MLLT10: variants seen among roughly 807,000 people sequenced by gnomAD.
MLLT10 encodes the protein protein AF-10.
MLLT10 carries 30 observed loss-of-function variants against 129.1 expected under a neutral mutation model. The ratio of observed to expected loss-of-function variants is 0.23; its 90% CI spans 0.17 to 0.32. MLLT10 has a LOEUF of 0.32. Among genes scored for constraint, MLLT10 ranks in the 10% least tolerant of loss-of-function variants. The pLI, the probability that MLLT10 is intolerant of heterozygous loss-of-function variation, is 1.00. For synonymous variants in MLLT10, 490 were observed against 446.4 expected (o/e 1.10, Z -1.23); for missense variants, 1,119 against 1,268.3 (o/e 0.88, Z 1.79).
intron 8 of MLLT10, among the ~76,000 whole-genome samples, chr10:21,628,930 G>T (rs1339947466): frequency 6.6e-6 from 1 of 151,478 alleles, no homozygotes; most frequent in Non-Finnish European, 1.5e-5. Flanking sequence ...TGTATTTTTA[G>T]TGGAGACGGG....
intron 8 of MLLT10, among the ~76,000 whole-genome samples, chr10:21,640,030 A>G (rs751818511): frequency 1.3e-5 from 2 of 151,800 alleles, no homozygotes; most frequent in Non-Finnish European, 2.9e-5. Context: ...CTGAAGCTGC[A>G]TCAGGAACCA....
chr10:21,586,462 T>C (rs2041995734), intron 4 of MLLT10, 114 bp downstream of exon 4: 3 of 827,780 alleles, frequency 3.6e-6, no homozygotes, highest in Non-Finnish European at 5.8e-6. Flanking sequence ...TTTCTACTCA[T>C]TTTTAACAGT....
intron 10 of MLLT10, 75 bp downstream of exon 10, chr10:21,670,779 T>C: frequency 1.3e-6 from 2 of 1,486,012 alleles, no homozygotes; most frequent in Non-Finnish European, 1.8e-6. Context: ...AAATAATTGG[T>C]TTGTTTTTGA....
intron 3 of MLLT10, 56 bp downstream of exon 3, chr10:21,538,968 A>G (rs17822302): frequency 0.011 from 13,548 of 1,248,724 alleles, 114 homozygotes; most frequent in South Asian, 0.018. Flanking sequence ...GGAAATTAGG[A>G]ACTGCACTCC....
intron 6 of MLLT10, 29 bp from the exon 7 acceptor site, chr10:21,614,802 C>T (rs2045065690): frequency 1.3e-6 from 2 of 1,555,376 alleles, no homozygotes; most frequent in Admixed American, 1.8e-5. Flanking sequence ...TTTAGTATAT[C>T]AATAAATATA....
At chr10:21,693,010 C>T (rs945905250) in intron 13 of MLLT10, among the ~76,000 whole-genome samples, 2 of 151,156 alleles carry the variant, frequency 1.3e-5, no homozygotes, top group Admixed American at 6.6e-5. Context: ...TTTAAAGAAA[C>T]AGAAAAAAAA....
rs568833838 is a variant in MLLT10 at position 21,724,971 on chromosome 10, T to C, written c.1879-1273T>C. Among the ~76,000 whole-genome samples, 12 of 152,314 alleles carry C rather than the reference T, an allele frequency of 7.9e-5. No homozygotes were observed. In the East Asian group the frequency reaches 2.3e-3, roughly 29 times the overall value. On this transcript the variant is annotated intron_variant, in intron 14 of 22. Transcript: ENST00000307729. ...GCTTGCTGCCAAAAAGACAGTGCCT[T>C]ATATGGGGTCAGGGCAAAGCTGTGA...
intron 9 of MLLT10, among the ~76,000 whole-genome samples, chr10:21,665,144 C>T (rs946107825): frequency 1.3e-5 from 2 of 151,810 alleles, no homozygotes; most frequent in Non-Finnish European, 2.9e-5. Context: ...CGGGGTTTCA[C>T]CATGTTGGCC....
intron 8 of MLLT10, 71 bp from the exon 9 acceptor site, chr10:21,651,601 TA>T: frequency 3.1e-6 from 3 of 974,286 alleles, no homozygotes; most frequent in Non-Finnish European, 4.7e-6. Context: ...TTACTAGTTA[TA>T]AAAAAATCTC....
chr10:21,670,428 C>T lies in MLLT10; in HGVS notation c.796-21C>T, dbSNP rs1294053267. Reference sequence around the variant, plus strand: ...AATGTAATCAACTCTTTTTCCTTCCCTTTTTGAATCAAAATGTTAGACTTA... The same window carrying T: ...AATGTAATCAACTCTTTTTCCTTCCTTTTTTGAATCAAAATGTTAGACTTA... On this transcript the variant is annotated intron_variant, in intron 9 of 22. Coordinates refer to ENST00000307729, the MANE Select transcript of MLLT10 (RefSeq NM_001195626.3). 5.1e-6 allele frequency: 8 copies of T among 1,577,350 alleles called. No individual in the cohort carries two copies. The Admixed American group carries it at 9.5e-5, about 19-fold the overall frequency.
intron 5 of MLLT10, among the ~76,000 whole-genome samples, chr10:21,606,239 C>A (rs936397990): frequency 6.6e-6 from 1 of 152,146 alleles, no homozygotes; most frequent in African/African-American, 2.4e-5. Flanking sequence ...TGAATGTAGG[C>A]CAATTAGTAA....
rs60982595 is a variant in MLLT10 at position 21,704,016 on chromosome 10, G to GTTTT, written c.1700-9736_1700-9733dup. Among the ~76,000 whole-genome samples, 534 of 56,618 alleles carry GTTTT rather than the reference G, an allele frequency of 9.4e-3. 54 individuals are homozygous for GTTTT. Among genetic ancestry groups the GTTTT allele is most frequent in the South Asian group, 0.011 (12 of 1,066 alleles). 37.1% of individuals were successfully genotyped at this position (56,618 alleles called of 152,430 possible). A position where few individuals can be genotyped will look rare whatever the true frequency, so the allele number is the denominator to read the frequency against. Reference sequence around the variant, plus strand: ...ACATTTTGGATTTCGATTGTTTTTTGTTTTTTTTTTTTTTTTTTTTTTTGA... The same window carrying GTTTT: ...ACATTTTGGATTTCGATTGTTTTTTGTTTTTTTTTTTTTTTTTTTTTTTTTTTGA... On this transcript the variant is annotated intron_variant, in intron 13 of 22. Transcript: ENST00000307729.
In MLLT10 at chr10:21,673,539, T is replaced by A; in HGVS notation, c.1241T>A (p.Phe414Tyr). The change falls in exon 11 of 23, where the codon TTT becomes TAT. Residue 414 changes from phenylalanine to tyrosine, a missense_variant. This residue lies in a region of MLLT10 where 1,004 missense variants were observed against 1,008.7 expected (regional missense o/e 1.00). Coordinates refer to ENST00000307729, the MANE Select transcript of MLLT10 (RefSeq NM_001195626.3). ...AGCCAGGAAGGGGGGGTAAATAGTT[T>A]TAGTACCTTAATTGGCCTCCCTTCA... Reference protein sequence around the residue: ...SGSQEGGVNSFSTLIGLPSTS... With the variant: ...SGSQEGGVNSYSTLIGLPSTS... The A allele has an allele frequency of 6.2e-7, 1 of 1,613,482 alleles. No individual in the cohort carries two copies. The highest frequency in any genetic ancestry group is 1.1e-5 in the South Asian group (1 of 90,966).
intron 13 of MLLT10, among the ~76,000 whole-genome samples, chr10:21,705,028 G>A (rs1467977152): frequency 1.3e-5 from 2 of 152,122 alleles, no homozygotes; most frequent in Admixed American, 6.6e-5. Context: ...TGATTCTTGT[G>A]CCTCGAGGTG....
chr10:21,726,970 C>T (rs1018041819), intron 15 of MLLT10, among the ~76,000 whole-genome samples: 4 of 152,068 alleles, frequency 2.6e-5, no homozygotes, highest in African/African-American at 4.8e-5. Flanking sequence ...GACGTTTTGT[C>T]GCATTTGTCT....
At chr10:21,610,984 CT>C (rs71393913) in intron 5 of MLLT10, among the ~76,000 whole-genome samples, 212 of 102,868 alleles carry the variant, frequency 2.1e-3, no homozygotes, top group Middle Eastern at 7.6e-3. Flanking sequence ...TCTTTTTTCT[CT>C]TTTTTTTTTT....
In MLLT10 at chr10:21,687,768, A is replaced by AGTAAACCTAGACCTTAGAATTGCT. The variant is rs573013757; in HGVS notation, c.1699+5514_1699+5537dup. ...TTCTAGAGAAAGGCACCTGACCGTT[A>AGTAAACCTAGACCTTAGAATTGCT]GTAAACCTAGACCTTAGAATTGCTG... On this transcript the variant is annotated intron_variant, in intron 13 of 22. Coordinates refer to ENST00000307729, the MANE Select transcript of MLLT10 (RefSeq NM_001195626.3). Among the ~76,000 whole-genome samples the AGTAAACCTAGACCTTAGAATTGCT allele has an allele frequency of 2.0e-3, 308 of 152,326 alleles. 1 individual carries two copies. The highest frequency in any genetic ancestry group is 3.2e-3 in the Non-Finnish European group (216 of 68,030).
intron 4 of MLLT10, among the ~76,000 whole-genome samples, chr10:21,586,563 G>T (rs2042003482): frequency 6.6e-6 from 1 of 152,076 alleles, no homozygotes; most frequent in Admixed American, 6.6e-5. Context: ...TATGCAGTAT[G>T]ATCTATTAAA....
intron 14 of MLLT10, among the ~76,000 whole-genome samples, chr10:21,723,508 T>C (rs1047613990): frequency 2.0e-5 from 3 of 152,268 alleles, no homozygotes; most frequent in Non-Finnish European, 4.4e-5. Context: ...TGAACGAGAG[T>C]CAAAAGGCTG....
Sources: allele counts gnomAD v4.1 joint callset (sites outside exome capture counted in the v4.1 genomes callset), GRCh38; gene constraint gnomAD v4.1.1; regional missense constraint gnomAD v4.1.1; transcripts MANE v1.5; gene names NCBI Gene and HGNC (gene_info 2026-07-23, HGNC 2026-07-21).